The following TPRG1 variants were observed in gnomAD, a reference collection of about 807,000 sequenced individuals.
The protein encoded by TPRG1 is tumor protein p63 regulated 1.
A neutral mutation model predicts 29.3 loss-of-function variants in TPRG1; 29 were observed. That is an observed-to-expected ratio of 0.99 (90% CI 0.74 to 1.35). TPRG1 has a LOEUF of 1.35. Among genes scored for constraint, TPRG1 ranks in the 40% most tolerant of loss-of-function variants. The probability of loss-of-function intolerance (pLI) is 0.00; values close to 1 mark genes in which losing one functional copy is unlikely to be tolerated. For missense variants in TPRG1, 327 were observed against 335.0 expected (o/e 0.98, Z 0.19); for synonymous variants, 130 against 116.8 (o/e 1.11, Z -0.73).
intron 4 of TPRG1, among the ~76,000 whole-genome samples, chr3:189,036,982 C>T (rs1714309120): frequency 1.3e-5 from 2 of 150,834 alleles, no homozygotes; most frequent in Admixed American, 6.6e-5. Context: ...CTTACTCCTA[C>T]TCCTGCCCCA....
chr3:189,137,775 T>A (rs1399190732), intron 3 of TPRG1, among the ~76,000 whole-genome samples: 1 of 152,108 alleles, frequency 6.6e-6, no homozygotes, highest in Non-Finnish European at 1.5e-5. Flanking sequence ...CCTTCTCGTG[T>A]CTCTGTATGT....
chr3:189,211,688 C>T (rs1366318480), intron 2 of TPRG1: 1 of 152,148 alleles, frequency 6.6e-6, no homozygotes, highest in Non-Finnish European at 1.5e-5. Flanking sequence ...CAGAATCCAA[C>T]CTTTGATGCA....
intron 4 of TPRG1, among the ~76,000 whole-genome samples, chr3:189,297,322 A>C (rs182617906): frequency 1.3e-5 from 2 of 152,162 alleles, no homozygotes; most frequent in African/African-American, 4.8e-5. Context: ...TCTTGCAATC[A>C]GGTAAAAATG....
chr3:189,143,310 C>T (rs980202453), intron 3 of TPRG1, among the ~76,000 whole-genome samples: 6 of 152,122 alleles, frequency 3.9e-5, no homozygotes, highest in African/African-American at 7.2e-5. Flanking sequence ...AGGATTTCTC[C>T]GAATGACATC....
At chr3:189,259,839 A>T (rs1459219718) in intron 4 of TPRG1, among the ~76,000 whole-genome samples, 1 of 152,138 alleles carries the variant, frequency 6.6e-6, no homozygotes, top group East Asian at 1.9e-4. Flanking sequence ...AGTGACTTGT[A>T]TGCAATCGTG....
intron 5 of TPRG1, among the ~76,000 whole-genome samples, chr3:189,158,691 C>T (rs1727032281): frequency 6.6e-6 from 1 of 152,160 alleles, no homozygotes; most frequent in Non-Finnish European, 1.5e-5. Context: ...AAATATCCTT[C>T]AGCCTTTCCA....
intron 5 of TPRG1, among the ~76,000 whole-genome samples, chr3:189,156,355 TAA>T (rs35527713): frequency 2.0e-5 from 2 of 100,788 alleles, no homozygotes; most frequent in African/African-American, 5.3e-5. Context: ...GAACTATAAG[TAA>T]AAAAAAAAAA....
intron 1 of TPRG1, among the ~76,000 whole-genome samples, chr3:189,172,794 G>A (rs938311595): frequency 8.5e-5 from 13 of 152,204 alleles, no homozygotes; most frequent in African/African-American, 2.7e-4. Context: ...AGACAGCGAT[G>A]ACTACTTGGC....
intron 3 of TPRG1, among the ~76,000 whole-genome samples, chr3:189,010,937 G>A (rs533404927): frequency 9.2e-5 from 14 of 151,800 alleles, no homozygotes; most frequent in Non-Finnish European, 1.6e-4. Context: ...TGATTTTTTT[G>A]GTATATGGTG....
intron 3 of TPRG1, among the ~76,000 whole-genome samples, chr3:189,022,480 A>G (rs1429003310): frequency 6.6e-6 from 1 of 151,150 alleles, no homozygotes; most frequent in African/African-American, 2.4e-5. Context: ...GGTCTGTTGG[A>G]GTACCCTGCA....
chr3:189,093,157 A>G (rs73053426), intron 4 of TPRG1, among the ~76,000 whole-genome samples: 7,048 of 152,168 alleles, frequency 0.046, 533 homozygotes, highest in African/African-American at 0.16. Context: ...AATAAGAAAA[A>G]AGAAGAAATA....
intron 4 of TPRG1, among the ~76,000 whole-genome samples, chr3:189,089,947 T>C (rs1163906483): frequency 6.6e-6 from 1 of 152,100 alleles, no homozygotes; most frequent in Non-Finnish European, 1.5e-5. Flanking sequence ...AATTAGTCTT[T>C]TCAAGGAAGC....
At chr3:189,302,556 C>T (rs1339649884) in intron 4 of TPRG1, among the ~76,000 whole-genome samples, 1 of 152,212 alleles carries the variant, frequency 6.6e-6, no homozygotes, top group East Asian at 1.9e-4. Context: ...CATTTCATGT[C>T]ATCCTCATCA....
intron 4 of TPRG1, among the ~76,000 whole-genome samples, chr3:189,073,759 G>A (rs1716947073): frequency 6.6e-6 from 1 of 151,984 alleles, no homozygotes; most frequent in Non-Finnish European, 1.5e-5. Flanking sequence ...TCCTTTCAAT[G>A]TTTCTTTTAG....
At chr3:189,106,704 C>T (rs57216536) in intron 1 of TPRG1, among the ~76,000 whole-genome samples, 10,655 of 152,144 alleles carry the variant, frequency 0.07, 1,217 homozygotes, top group African/African-American at 0.24. Flanking sequence ...GATTGTCACA[C>T]ACTGTTTTTC....
chr3:189,279,916 A>G (rs1716811989), intron 4 of TPRG1, among the ~76,000 whole-genome samples: 1 of 152,162 alleles, frequency 6.6e-6, no homozygotes, highest in Non-Finnish European at 1.5e-5. Context: ...GGAAAACTGA[A>G]TGTAGTCCTT....
At chr3:189,252,954 C>T (rs745705182) in intron 4 of TPRG1, among the ~76,000 whole-genome samples, 30 of 152,116 alleles carry the variant, frequency 2.0e-4, no homozygotes, top group Non-Finnish European at 4.1e-4. Context: ...ATTTCATTTA[C>T]ATATTGGAAA....
At chr3:189,227,374 C>T (rs1168842057) in intron 3 of TPRG1, among the ~76,000 whole-genome samples, 2 of 152,190 alleles carry the variant, frequency 1.3e-5, no homozygotes, top group East Asian at 1.9e-4. Flanking sequence ...GGAAGCAGGA[C>T]TGCTGTACAG....
intron 4 of TPRG1, among the ~76,000 whole-genome samples, chr3:189,284,233 G>A (rs1347456199): frequency 1.3e-5 from 2 of 151,384 alleles, no homozygotes; most frequent in African/African-American, 4.9e-5. Context: ...TAAGTTTTGG[G>A]GTACATGTGC....
Sources: gnomAD v4.1 joint callset for allele counts (sites outside exome capture counted in the v4.1 genomes callset) on GRCh38, gnomAD v4.1.1 for gene constraint, MANE v1.5 for transcripts, NCBI Gene and HGNC (gene_info 2026-07-23, HGNC 2026-07-21) for gene names.